Variants in PKHD1L1 observed in about 807,000 individuals in gnomAD.
PKHD1L1 encodes the protein PKHD1 like 1.
In PKHD1L1, 434 loss-of-function variants were observed where a neutral mutation model predicts 462.9. The ratio of observed to expected loss-of-function variants is 0.94; its 90% CI spans 0.87 to 1.02. PKHD1L1 has a LOEUF of 1.02. Among genes scored for constraint, PKHD1L1 ranks in the 50% least tolerant of loss-of-function variants. The probability of loss-of-function intolerance (pLI) is 0.00; values close to 1 mark genes in which losing one functional copy is unlikely to be tolerated. For synonymous variants in PKHD1L1, 1,781 were observed against 1,750.0 expected (o/e 1.02, Z -0.44); for missense variants, 5,202 against 5,096.1 (o/e 1.02, Z -0.63).
rs566927856 is a variant in PKHD1L1, at chr8:109,493,010, T to C, written c.10237-651T>C. On this transcript the variant is annotated intron_variant, in intron 62 of 77. Transcript: ENST00000378402. ...TTATGATCCACTCTCATTGCCTTAG[T>C]TGTCCTTTTTTAAATAAATTAATCA... Among the ~76,000 whole-genome samples the C allele has an allele frequency of 1.3e-4, 19 of 151,738 alleles. No individual in the cohort carries two copies. The South Asian group carries it at 3.7e-3, about 30-fold the overall frequency.
Position 109,508,253 on chromosome 8 carries a change from A to T in PKHD1L1, c.11384A>T (p.Asp3795Val). ...PVAIMGNGYV[D>V]LINGPQDHGW... ...GCTATAATGGGCAACGGTTATGTTG[A>T]TCTTATTAATGGTAGGTATTCAATA... Residue 3795 changes from aspartate to valine, a missense_variant, in exon 70 of 78, where the codon GAT becomes GTT. Around this residue, in one of 3 missense-constraint regions of PKHD1L1, gnomAD observed 698 missense variants for 736.3 expected, o/e 0.95. Coordinates refer to ENST00000378402, the MANE Select transcript of PKHD1L1 (RefSeq NM_177531.6). The T allele has an allele frequency of 6.2e-7, 1 of 1,605,032 alleles. No individual in the cohort carries two copies. The highest frequency in any genetic ancestry group is 8.5e-7 in the Non-Finnish European group (1 of 1,176,906).
chr8:109,404,465 A>C (rs1813424856), intron 14 of PKHD1L1, 89 bp from the exon 15 acceptor site: 6 of 734,516 alleles, frequency 8.2e-6, no homozygotes, highest in Non-Finnish European at 1.2e-5. Context: ...GCAGGCTTTT[A>C]AGATAATATT....
chr8:109,467,631 T>C (rs1817519585), intron 50 of PKHD1L1, among the ~76,000 whole-genome samples: 1 of 152,090 alleles, frequency 6.6e-6, no homozygotes, highest in Admixed American at 6.6e-5. Flanking sequence ...TATCTCTATC[T>C]CTTTATCATT....
In PKHD1L1 at chr8:109,534,617, C is replaced by T. The variant is rs1465238656; in HGVS notation, c.*4527C>T. ...TATGGTAGTAGCTGCAAGGAGTGTT[C>T]AGTCTCCAGTGAAAGAAATATTAAG... On this transcript the variant is annotated 3_prime_UTR_variant, in exon 78 of 78. Coordinates refer to ENST00000378402, the MANE Select transcript of PKHD1L1 (RefSeq NM_177531.6). Among the ~76,000 whole-genome samples the T allele has an allele frequency of 1.3e-5, 2 of 152,126 alleles. No homozygotes were observed. Among genetic ancestry groups the T allele is most frequent in the Non-Finnish European group, 2.9e-5 (2 of 68,020 alleles).
At position 109,398,543 on chromosome 8, in the gene PKHD1L1, A is replaced by G; in HGVS notation, c.1007A>G (p.Tyr336Cys). 1 of 1,541,628 alleles carries G rather than the reference A, an allele frequency of 6.5e-7. No individual in the cohort carries two copies. Among genetic ancestry groups the G allele is most frequent in the Non-Finnish European group, 8.9e-7 (1 of 1,129,180 alleles). ...AAACCTCATATTCTCAAAACTGTAT[A>G]TCCAGGTAAGTTACCATAAGGGACA... ...PPKPHILKTV[Y>C]PGGRGLKLEV... The change falls in exon 12 of 78, where the codon TAT becomes TGT. Residue 336 changes from tyrosine to cysteine, a missense_variant. This residue lies in a region of PKHD1L1 where 4,497 missense variants were observed against 4,336.8 expected (regional missense o/e 1.04). Transcript: ENST00000378402.
At position 109,495,288 on chromosome 8, in the gene PKHD1L1, C is replaced by T. The variant is rs1459358260; in HGVS notation, c.10327+1537C>T. Among the ~76,000 whole-genome samples the T allele has an allele frequency of 7.2e-5, 11 of 151,982 alleles. No individual in the cohort carries two copies. The East Asian group carries it at 2.1e-3, about 29-fold the overall frequency. Reference sequence around the variant, plus strand: ...CTTAAAAATTTAAAATATGTAATTTCTTTACAACTTCAATAAAGTTATCCT... The same window carrying T: ...CTTAAAAATTTAAAATATGTAATTTTTTTACAACTTCAATAAAGTTATCCT... On this transcript the variant is annotated intron_variant, in intron 63 of 77. Coordinates refer to ENST00000378402, the MANE Select transcript of PKHD1L1 (RefSeq NM_177531.6).
intron 23 of PKHD1L1, among the ~76,000 whole-genome samples, chr8:109,422,906 G>A (rs1814547399): frequency 1.3e-5 from 2 of 152,022 alleles, no homozygotes; most frequent in African/African-American, 2.4e-5. Flanking sequence ...AATTTTAGGC[G>A]TTCTGGTAGG....
chr8:109,365,664 A>T (rs1233851839), intron 2 of PKHD1L1, among the ~76,000 whole-genome samples: 1 of 152,204 alleles, frequency 6.6e-6, no homozygotes, highest in Non-Finnish European at 1.5e-5. Flanking sequence ...AAATGCCGCG[A>T]GAGAAATGCT....
chr8:109,370,405 C>T (rs896283259), intron 2 of PKHD1L1, among the ~76,000 whole-genome samples: 8 of 152,060 alleles, frequency 5.3e-5, no homozygotes, highest in Non-Finnish European at 7.4e-5. Flanking sequence ...TGAGCCACCG[C>T]ACCTGGCCTC....
intron 40 of PKHD1L1, among the ~76,000 whole-genome samples, chr8:109,449,751 C>A (rs910228225): frequency 9.9e-5 from 15 of 152,018 alleles, no homozygotes; most frequent in African/African-American, 3.6e-4. Flanking sequence ...TTGTGCATAC[C>A]AAATGGAGAA....
In PKHD1L1 at chr8:109,456,264, G is replaced by A. The variant is rs1351663882; in HGVS notation, c.6877G>A (p.Val2293Met). The A allele has an allele frequency of 1.9e-6, 3 of 1,611,914 alleles. No individual in the cohort carries two copies. Among genetic ancestry groups the A allele is most frequent in the Admixed American group, 3.4e-5 (2 of 59,684 alleles). Residue 2293 changes from valine (V) to methionine (M), a missense_variant and splice_region_variant, in exon 46 of 78, where the codon GTG becomes ATG. This residue lies in a region of PKHD1L1 where 4,497 missense variants were observed against 4,336.8 expected (regional missense o/e 1.04). Coordinates refer to ENST00000378402, the MANE Select transcript of PKHD1L1 (RefSeq NM_177531.6). ...VREGILDLHG[V>M]PVPVTWTRLA... ...CTCAGTGTGTATGTTGGTTCTAGGT[G>A]TGCCTGTTCCTGTGACCTGGACTCG...
At chr8:109,511,303 C>G (rs902321330) in intron 71 of PKHD1L1, among the ~76,000 whole-genome samples, 3 of 151,788 alleles carry the variant, frequency 2.0e-5, no homozygotes, top group African/African-American at 7.3e-5. Flanking sequence ...ATTAACCCGT[C>G]ATTTAGCATT....
chr8:109,431,156 C>CA (rs1285616277), intron 27 of PKHD1L1, among the ~76,000 whole-genome samples: 1 of 151,918 alleles, frequency 6.6e-6, no homozygotes, highest in African/African-American at 2.4e-5. Flanking sequence ...TTAGTAGAGA[C>CA]AGAGTTTTAC....
intron 7 of PKHD1L1, 99 bp downstream of exon 7, chr8:109,388,649 T>C: frequency 1.3e-6 from 1 of 799,904 alleles, no homozygotes; most frequent in Non-Finnish European, 2.0e-6. Context: ...AGCTAAATGG[T>C]TTATAATACA....
At chr8:109,414,995 ATTATTATTATTATTATTT>A (rs1814067285) in intron 21 of PKHD1L1, among the ~76,000 whole-genome samples, 1 of 119,174 alleles carries the variant, frequency 8.4e-6, no homozygotes, top group Non-Finnish European at 1.9e-5. Flanking sequence ...TATTATTATT[ATTATTATTATTATTATTT>A]TTGAGACAGG....
chr8:109,520,158 C>T (rs1820475281), intron 73 of PKHD1L1, among the ~76,000 whole-genome samples: 1 of 152,102 alleles, frequency 6.6e-6, no homozygotes, highest in African/African-American at 2.4e-5. Context: ...GCTTGTGTTG[C>T]AACCAGATCT....
At chr8:109,460,804 G>C (rs1430573750) in intron 47 of PKHD1L1, among the ~76,000 whole-genome samples, 1 of 152,092 alleles carries the variant, frequency 6.6e-6, no homozygotes, top group Non-Finnish European at 1.5e-5. Flanking sequence ...CAACAGGTGG[G>C]CTCTTCTCAT....
Position 109,510,912 on chromosome 8 carries a change from T to G in PKHD1L1, c.11531T>G (p.Leu3844Trp). 2 of 1,613,056 alleles carry G rather than the reference T, an allele frequency of 1.2e-6. No homozygotes were observed. The highest frequency in any genetic ancestry group is 1.7e-6 in the Non-Finnish European group (2 of 1,179,326). Reference protein sequence around the residue: ...GTSPQNLRLMLLNVDHNKAVL... With the variant: ...GTSPQNLRLMWLNVDHNKAVL... ...AGTCCTCAGAATCTTCGACTGATGTTGCTTAATGTTGATCATAACAAGGTA... is the reference window on the plus strand; with the variant it reads ...AGTCCTCAGAATCTTCGACTGATGTGGCTTAATGTTGATCATAACAAGGTA... The change falls in exon 71 of 78, where the codon TTG (leucine) becomes TGG (tryptophan). Residue 3844 changes from leucine (L) to tryptophan (W), a missense_variant. Around this residue, in one of 3 missense-constraint regions of PKHD1L1, gnomAD observed 698 missense variants for 736.3 expected, o/e 0.95. Transcript: ENST00000378402.
chr8:109,384,609 C>A (rs938372442), intron 5 of PKHD1L1, among the ~76,000 whole-genome samples: 1 of 151,988 alleles, frequency 6.6e-6, no homozygotes, highest in Non-Finnish European at 1.5e-5. Context: ...GTATTTATCA[C>A]CTCCCACCCC....
Sources: allele counts gnomAD v4.1 joint callset (sites outside exome capture counted in the v4.1 genomes callset), GRCh38; gene constraint gnomAD v4.1.1; regional missense constraint gnomAD v4.1.1; transcripts MANE v1.5; gene names NCBI Gene and HGNC (gene_info 2026-07-23, HGNC 2026-07-21).